NTRK3: variants seen among roughly 807,000 people sequenced by gnomAD.
The protein encoded by NTRK3 is neurotrophic receptor tyrosine kinase 3, also known as NT-3 growth factor receptor.
A neutral mutation model predicts 91.7 loss-of-function variants in NTRK3; 24 were observed. The ratio of observed to expected loss-of-function variants is 0.26; its 90% CI spans 0.19 to 0.37. NTRK3 has a LOEUF of 0.37. Among genes scored for constraint, NTRK3 ranks in the 10% least tolerant of loss-of-function variants. The pLI is 1.00. For missense variants in NTRK3, 880 were observed against 1,068.9 expected, an observed-to-expected ratio of 0.82 and a Z score of 2.46; for synonymous variants, 483 against 404.0, an observed-to-expected ratio of 1.20 and a Z score of -2.34.
chr15:88,103,369 T>C (rs1479352078), intron 13 of NTRK3, among the ~76,000 whole-genome samples: 3 of 152,102 alleles, frequency 2.0e-5, no homozygotes, highest in Non-Finnish European at 4.4e-5. Context: ...AATGCCAGCC[T>C]GTCCTACAGA....
exon 19 of NTRK3, chr15:87,868,164 T>G (rs2064738496): frequency 4.3e-6 from 1 of 231,650 alleles, no homozygotes; most frequent in East Asian, 6.1e-5. Context: ...GGCTTTTGTG[T>G]GTGTGTGTGC....
At chr15:88,119,984 G>C (rs1288587231) in intron 13 of NTRK3, among the ~76,000 whole-genome samples, 1 of 152,108 alleles carries the variant, frequency 6.6e-6, no homozygotes, top group Non-Finnish European at 1.5e-5. Context: ...TAAGACATAG[G>C]GACACTCTGT....
intron 14 of NTRK3, among the ~76,000 whole-genome samples, chr15:88,000,587 A>T (rs1437488588): frequency 6.6e-6 from 1 of 152,202 alleles, no homozygotes; most frequent in Non-Finnish European, 1.5e-5. Flanking sequence ...TTCTGGACAA[A>T]TCATAGAAAT....
chr15:87,995,992 C>A (rs2075667049), intron 14 of NTRK3, among the ~76,000 whole-genome samples: 1 of 151,958 alleles, frequency 6.6e-6, no homozygotes, highest in African/African-American at 2.4e-5. Flanking sequence ...GCTTGTAATC[C>A]CAGCACTTTG....
At chr15:88,128,311 G>A (rs1052290059) in intron 11 of NTRK3, among the ~76,000 whole-genome samples, 1 of 152,148 alleles carries the variant, frequency 6.6e-6, no homozygotes, top group African/African-American at 2.4e-5. Flanking sequence ...AAGTGCTCAG[G>A]CTCCTGAAGC....
At chr15:87,886,680 A>G (rs1387945322) in intron 17 of NTRK3, among the ~76,000 whole-genome samples, 2 of 131,086 alleles carry the variant, frequency 1.5e-5, no homozygotes, top group Non-Finnish European at 3.1e-5. Context: ...TTTTTGCTAT[A>G]TATATATATA....
chr15:88,165,571 G>T (rs2044854725), intron 5 of NTRK3, among the ~76,000 whole-genome samples: 1 of 152,152 alleles, frequency 6.6e-6, no homozygotes, highest in Non-Finnish European at 1.5e-5. Context: ...ATCATTTCCT[G>T]AGAAATCAAA....
intron 10 of NTRK3, among the ~76,000 whole-genome samples, chr15:88,130,779 C>T (rs909814893): frequency 8.5e-5 from 13 of 152,144 alleles, no homozygotes; most frequent in African/African-American, 3.1e-4. Flanking sequence ...AGTGAGATGA[C>T]ACAGGAACTC....
intron 14 of NTRK3, among the ~76,000 whole-genome samples, chr15:88,010,930 T>C (rs2076835611): frequency 6.6e-6 from 1 of 152,110 alleles, no homozygotes; most frequent in South Asian, 2.1e-4. Flanking sequence ...ACTCCCTACA[T>C]GAATGACTTC....
chr15:87,915,738 T>A (rs1038881048), intron 17 of NTRK3, among the ~76,000 whole-genome samples: 10 of 152,220 alleles, frequency 6.6e-5, no homozygotes, highest in Non-Finnish European at 1.0e-4. Context: ...TTCTTTTACA[T>A]AGAATAATAG....
chr15:88,233,881 C>A lies in NTRK3; in HGVS notation c.248+22025G>T, dbSNP rs2051441420. On this transcript the variant is annotated intron_variant, in intron 3 of 18. Coordinates refer to ENST00000394480, the Ensembl canonical transcript of NTRK3. The surrounding 1 kb of genome is among the most constrained non-coding windows in gnomAD (Gnocchi z 4.2). ...AACATGGCTCTCAGGGCTGTGAAAA[C>A]AAATCATTAAATAAGTGAGAACTGT... Among the ~76,000 whole-genome samples the A allele has an allele frequency of 1.3e-5, 2 of 152,294 alleles. No individual in the cohort carries two copies. The highest frequency in any genetic ancestry group is 4.8e-5 in the African/African-American group (2 of 41,548).
intron 14 of NTRK3, among the ~76,000 whole-genome samples, chr15:87,961,545 T>C (rs1413724690): frequency 6.6e-6 from 1 of 152,264 alleles, no homozygotes; most frequent in African/African-American, 2.4e-5. Flanking sequence ...GTTTGCCGAT[T>C]GGCATACCAG....
intron 6 of NTRK3, among the ~76,000 whole-genome samples, chr15:88,146,188 C>T (rs1567523512): frequency 6.6e-6 from 1 of 152,136 alleles, no homozygotes; most frequent in Admixed American, 6.5e-5. Flanking sequence ...CCTTTTCCAC[C>T]TACAGTACAC....
intron 17 of NTRK3, among the ~76,000 whole-genome samples, chr15:87,887,599 C>G (rs1321996743): frequency 6.6e-6 from 1 of 152,100 alleles, no homozygotes; most frequent in Non-Finnish European, 1.5e-5. Context: ...CCTTATTTCC[C>G]ATAAAAATCC....
At chr15:88,013,316 A>G (rs558974959) in intron 14 of NTRK3, among the ~76,000 whole-genome samples, 1 of 152,352 alleles carries the variant, frequency 6.6e-6, no homozygotes, top group South Asian at 2.1e-4. Context: ...AGAACTGTGG[A>G]AAAAAGGAAC....
intron 10 of NTRK3, among the ~76,000 whole-genome samples, chr15:88,133,797 G>C (rs1418776491): frequency 6.6e-6 from 1 of 152,166 alleles, no homozygotes; most frequent in Non-Finnish European, 1.5e-5. Context: ...GGAAGTTTCA[G>C]ACTACATGGG....
Position 88,086,270 on chromosome 15 carries a change from G to A in NTRK3, c.1396+40001C>T, listed in dbSNP as rs552047059. On this transcript the variant is annotated intron_variant, in intron 13 of 18. Coordinates refer to ENST00000394480, the Ensembl canonical transcript of NTRK3. Reference sequence around the variant, plus strand: ...TTCATTGAGCACTTACTATATGCCCGATCTGCAATGTCCAACTCAGTAGCC... The same window carrying A: ...TTCATTGAGCACTTACTATATGCCCAATCTGCAATGTCCAACTCAGTAGCC... Among the ~76,000 whole-genome samples the A allele has an allele frequency of 5.9e-5, 9 of 152,250 alleles. No individual in the cohort carries two copies. The South Asian group carries it at 1.2e-3, about 21-fold the overall frequency.
chr15:87,920,223 T>TAATC (rs1567108381), intron 17 of NTRK3, among the ~76,000 whole-genome samples: 1 of 152,222 alleles, frequency 6.6e-6, no homozygotes, highest in Non-Finnish European at 1.5e-5. Flanking sequence ...ATCAAGGAAA[T>TAATC]AAGGTTGTAA....
intron 13 of NTRK3, among the ~76,000 whole-genome samples, chr15:88,052,644 T>C (rs2045330102): frequency 6.6e-6 from 1 of 152,136 alleles, no homozygotes; most frequent in African/African-American, 2.4e-5. Context: ...AGTTAATAGA[T>C]TTATTATAAT....
Sources: allele counts gnomAD v4.1 joint callset (sites outside exome capture counted in the v4.1 genomes callset), GRCh38; gene constraint gnomAD v4.1.1; non-coding constraint Gnocchi (gnomAD v3.1); transcripts MANE v1.5; gene names NCBI Gene and HGNC (gene_info 2026-07-23, HGNC 2026-07-21).